The following WDPCP variants were observed in gnomAD, a reference collection of about 807,000 sequenced individuals.
WDPCP encodes the protein WD repeat-containing and planar cell polarity effector protein fritz homolog.
WDPCP carries 71 observed loss-of-function variants against 93.1 expected under a neutral mutation model. That is an observed-to-expected ratio of 0.76 (90% CI 0.63 to 0.93). WDPCP has a LOEUF of 0.93. Ranked by LOEUF, WDPCP falls within the 40% of genes least tolerant of loss-of-function variation. WDPCP has a pLI of 0.00. For missense variants in WDPCP, 844 were observed against 887.4 expected (o/e 0.95, Z 0.62); for synonymous variants, 315 against 315.0 (o/e 1.00, Z 0.00).
chr2:63,624,294 C>T (rs1199873681), intron 3 of WDPCP, among the ~76,000 whole-genome samples: 1 of 152,142 alleles, frequency 6.6e-6, no homozygotes, highest in Admixed American at 6.5e-5. Flanking sequence ...CAAGAGCAAA[C>T]TAACTCAAAA....
In WDPCP at chr2:63,482,017, C is replaced by T. The variant is rs79516045; in HGVS notation, c.384+2587G>A. 9.7e-3 allele frequency among the ~76,000 whole-genome samples: 1,466 copies of T among 151,892 alleles called. 25 individuals carry two copies. Among genetic ancestry groups the T allele is most frequent in the Admixed American group, 0.038 (583 of 15,200 alleles). The stretch of plus-strand genomic sequence containing the variant: ...AAAATAATTCTGAATTTACAGGTGA[C>T]GGGAATTAGTTTTTAAATGGTACAA... On this transcript the variant is annotated intron_variant, in intron 6 of 17. Transcript: ENST00000272321.
intron 9 of WDPCP, among the ~76,000 whole-genome samples, chr2:63,419,447 T>C (rs1469900931): frequency 6.6e-6 from 1 of 152,156 alleles, no homozygotes; most frequent in East Asian, 1.9e-4. Context: ...GCCCCTTAAG[T>C]GTATCTTAAA....
intron 13 of WDPCP, among the ~76,000 whole-genome samples, chr2:63,271,900 T>C (rs779380527): frequency 2.0e-5 from 3 of 152,172 alleles, no homozygotes; most frequent in African/African-American, 7.2e-5. Context: ...GGTGCCAGTA[T>C]GTATTGCTTA....
chr2:63,267,390 G>C (rs1379461652), intron 13 of WDPCP, among the ~76,000 whole-genome samples: 1 of 152,106 alleles, frequency 6.6e-6, no homozygotes, highest in Non-Finnish European at 1.5e-5. Flanking sequence ...CTTGAAACTT[G>C]AGGAGGAGGG....
intron 2 of WDPCP, among the ~76,000 whole-genome samples, chr2:63,682,389 G>C (rs551056768): frequency 6.6e-6 from 1 of 152,156 alleles, no homozygotes; most frequent in Non-Finnish European, 1.5e-5. Flanking sequence ...ATATGCAATA[G>C]GCATACTGAA....
At chr2:63,312,027 T>C (rs1480280732) in intron 13 of WDPCP, among the ~76,000 whole-genome samples, 1 of 152,064 alleles carries the variant, frequency 6.6e-6, no homozygotes, top group Non-Finnish European at 1.5e-5. Flanking sequence ...ATCTAAAAAG[T>C]GTAATTAATT....
intron 3 of WDPCP, among the ~76,000 whole-genome samples, chr2:63,640,216 G>A (rs1009714645): frequency 2.0e-4 from 30 of 152,206 alleles, no homozygotes; most frequent in African/African-American, 7.2e-4. Flanking sequence ...CACCGTGTTA[G>A]CCAGGATGGT....
rs1240531049 is a variant in WDPCP at position 63,605,454 on chromosome 2, TATA to T, written n.488+45202_488+45204del. ...TTATTTTTGTTGCCTGATGATATAA[TATA>T]AAAAGAATATAGCCTTAGCAGTCAG... On this transcript the variant is annotated intron_variant and non_coding_transcript_variant, in intron 3 of 4. Transcript: ENST00000467687. The T allele has an allele frequency of 5.8e-6, 7 of 1,201,762 alleles. No homozygotes were observed. The Admixed American group carries it at 8.8e-5, about 15-fold the overall frequency. The allele number at this position is 1,201,762 out of a possible 1,614,324, so 74.4% of individuals were successfully genotyped here.
intron 15 of WDPCP, among the ~76,000 whole-genome samples, chr2:63,174,425 A>C (rs13423930): frequency 6.6e-6 from 1 of 152,184 alleles, no homozygotes; most frequent in Non-Finnish European, 1.5e-5. Context: ...AAACAATTCA[A>C]TATGTTATAG....
At chr2:63,783,895 C>T (rs1670433015) in intron 2 of WDPCP, among the ~76,000 whole-genome samples, 1 of 152,118 alleles carries the variant, frequency 6.6e-6, no homozygotes, top group Non-Finnish European at 1.5e-5. Flanking sequence ...AACAAAATTG[C>T]ACTTGTACCC....
chr2:63,172,401 G>A (rs955993593), intron 15 of WDPCP, among the ~76,000 whole-genome samples: 6 of 152,002 alleles, frequency 3.9e-5, no homozygotes, highest in East Asian at 3.9e-4. Flanking sequence ...GCAGTTGCTC[G>A]GGAGGCTGAG....
At chr2:63,575,400 T>TGC in intron 1 of WDPCP, among the ~76,000 whole-genome samples, 1 of 27,474 alleles carries the variant, frequency 3.6e-5, no homozygotes. Flanking sequence ...GTATATACAG[T>TGC]ATATATACAG....
At chr2:63,739,437 A>G (rs931506127) in intron 2 of WDPCP, among the ~76,000 whole-genome samples, 5 of 152,000 alleles carry the variant, frequency 3.3e-5, no homozygotes, top group African/African-American at 7.2e-5. Flanking sequence ...TCTTTATCCA[A>G]TTAGGTTGAT....
At chr2:63,675,125 C>G (rs1710389549) in intron 2 of WDPCP, among the ~76,000 whole-genome samples, 1 of 152,054 alleles carries the variant, frequency 6.6e-6, no homozygotes, top group African/African-American at 2.4e-5. Flanking sequence ...TTTTTTTAAC[C>G]TCCGCTGGGA....
At chr2:63,622,062 TTTTC>T (rs1709745336) in intron 3 of WDPCP, 1 of 851,026 alleles carries the variant, frequency 1.2e-6, no homozygotes, top group Non-Finnish European at 1.5e-6. Context: ...ATTCTTTCTT[TTTTC>T]TTTTTTTTTT....
At chr2:63,577,523 A>G (rs556842021) in intron 1 of WDPCP, among the ~76,000 whole-genome samples, 1 of 152,326 alleles carries the variant, frequency 6.6e-6, no homozygotes, top group East Asian at 1.9e-4. Context: ...TATTTTATGT[A>G]GACAGAAAAA....
At chr2:63,589,125 T>C, upstream of WDPCP, 1 of 1,614,076 alleles carries the variant, frequency 6.2e-7, no homozygotes, top group Middle Eastern at 1.6e-4. Flanking sequence ...TAGGGACTTT[T>C]GGGAGGCAGC....
At chr2:63,785,112 C>G (rs1268666317) in intron 2 of WDPCP, among the ~76,000 whole-genome samples, 5 of 152,206 alleles carry the variant, frequency 3.3e-5, no homozygotes, top group Non-Finnish European at 7.4e-5. Context: ...TGGTTTTGCT[C>G]TTTAATTACA....
At chr2:63,546,437 T>G (rs1166137228) in intron 1 of WDPCP, among the ~76,000 whole-genome samples, 1 of 152,102 alleles carries the variant, frequency 6.6e-6, no homozygotes, top group Non-Finnish European at 1.5e-5. Flanking sequence ...GAAAGAAAAG[T>G]AAACTCACCC....
Sources: gnomAD v4.1 joint callset for allele counts (sites outside exome capture counted in the v4.1 genomes callset) on GRCh38, gnomAD v4.1.1 for gene constraint, MANE v1.5 for transcripts, NCBI Gene and HGNC (gene_info 2026-07-23, HGNC 2026-07-21) for gene names.